RABGAP1L: variants seen among roughly 807,000 people sequenced by gnomAD.
The protein encoded by RABGAP1L is RAB GTPase activating protein 1 like.
RABGAP1L carries 63 observed loss-of-function variants against 137.7 expected under a neutral mutation model. The ratio of observed to expected loss-of-function variants is 0.46; its 90% CI spans 0.37 to 0.56. The LOEUF (loss-of-function observed/expected upper bound fraction) is 0.56, where lower values mean the gene tolerates loss of function less well. Among genes scored for constraint, RABGAP1L ranks in the 20% least tolerant of loss-of-function variants. RABGAP1L has a pLI of 0.00. For synonymous variants in RABGAP1L, 431 were observed against 433.7 expected, an observed-to-expected ratio of 0.99 and a Z score of 0.08; for missense variants, 1,095 against 1,244.0, an observed-to-expected ratio of 0.88 and a Z score of 1.80.
intron 19 of RABGAP1L, among the ~76,000 whole-genome samples, chr1:174,876,711 C>T (rs1299001778): frequency 6.6e-6 from 1 of 152,152 alleles, no homozygotes. Flanking sequence ...GGGAGCAAAA[C>T]AACCAGTTTA....
At chr1:174,615,002 A>T (rs1471934198) in intron 13 of RABGAP1L, among the ~76,000 whole-genome samples, 1 of 152,146 alleles carries the variant, frequency 6.6e-6, no homozygotes, top group Non-Finnish European at 1.5e-5. Flanking sequence ...AAAGTTATTA[A>T]CTTCTTTGCC....
intron 18 of RABGAP1L, among the ~76,000 whole-genome samples, chr1:174,787,840 C>T (rs1687571460): frequency 6.6e-6 from 1 of 152,140 alleles, no homozygotes; most frequent in African/African-American, 2.4e-5. Flanking sequence ...AAGGCTGCAA[C>T]AATAGGGGTG....
chr1:174,425,307 A>G (rs1295226887), intron 13 of RABGAP1L, among the ~76,000 whole-genome samples: 4 of 152,008 alleles, frequency 2.6e-5, no homozygotes, highest in African/African-American at 9.7e-5. Flanking sequence ...AGAGCTCTCA[A>G]GAACTTAAAG....
chr1:174,636,518 A>T (rs1674052501), intron 13 of RABGAP1L, among the ~76,000 whole-genome samples: 1 of 122,374 alleles, frequency 8.2e-6, no homozygotes, highest in South Asian at 2.7e-4. Context: ...ACAGTGTGAG[A>T]CTCTACTTCA....
At chr1:174,353,064 G>A (rs889048348) in intron 11 of RABGAP1L, among the ~76,000 whole-genome samples, 2 of 152,112 alleles carry the variant, frequency 1.3e-5, no homozygotes, top group Non-Finnish European at 2.9e-5. Context: ...TCCATGGCCT[G>A]TGGCTCTATT....
chr1:174,863,761 C>A (rs1326861882), intron 19 of RABGAP1L, among the ~76,000 whole-genome samples: 5 of 151,882 alleles, frequency 3.3e-5, no homozygotes, highest in Non-Finnish European at 7.4e-5. Flanking sequence ...GCAGGCAGAT[C>A]ATGAGGTCAA....
At position 174,222,537 on chromosome 1, in the gene RABGAP1L, T is replaced by G. The variant is rs897037201; in HGVS notation, c.331+1373T>G. Among the ~76,000 whole-genome samples, 4 of 152,310 alleles carry G rather than the reference T, an allele frequency of 2.6e-5. No homozygotes were observed. In the East Asian group the frequency reaches 7.7e-4, roughly 29 times the overall value. ...ATAAAGAACAAGCACTGGATAAAAT[T>G]TAAAATTTTACATGTATATGCACAT... On this transcript the variant is annotated intron_variant, in intron 3 of 25. Transcript: ENST00000681986.
intron 1 of RABGAP1L, among the ~76,000 whole-genome samples, chr1:174,217,692 AAAGG>A (rs1669443283): frequency 1.3e-5 from 2 of 152,312 alleles, no homozygotes; most frequent in East Asian, 1.9e-4. Flanking sequence ...TGGGTTTTAA[AAAGG>A]AAGGGTGTTA....
chr1:174,701,127 C>A (rs934849615), intron 16 of RABGAP1L: 8 of 1,304,248 alleles, frequency 6.1e-6, no homozygotes, highest in Admixed American at 2.3e-5. Context: ...ATGAAGGTGG[C>A]CTTTGTCTTT....
intron 19 of RABGAP1L, among the ~76,000 whole-genome samples, chr1:174,908,953 C>T (rs1659582514): frequency 6.6e-6 from 1 of 150,622 alleles, no homozygotes; most frequent in Non-Finnish European, 1.5e-5. Context: ...GCGGGCAGAT[C>T]ACGAGGTCAG....
intron 7 of RABGAP1L, among the ~76,000 whole-genome samples, chr1:174,264,590 A>T (rs1002373424): frequency 6.6e-6 from 1 of 152,128 alleles, no homozygotes; most frequent in African/African-American, 2.4e-5. Flanking sequence ...CACTGTCCCA[A>T]ACTTGTTCCT....
chr1:174,175,313 C>T lies in RABGAP1L; in HGVS notation c.-34+15656C>T, dbSNP rs79114523. Among the ~76,000 whole-genome samples the T allele has an allele frequency of 1.7e-3, 258 of 152,168 alleles. 3 individuals are homozygous for T. In the East Asian group the frequency reaches 0.039, roughly 23 times the overall value. ...CATGTCGTCTTTTTGTTCTGGATGG[C>T]ATGAAGTTGGGGTCTGAGCATAGAT... On this transcript the variant is annotated intron_variant, in intron 1 of 25. Transcript: ENST00000681986.
chr1:174,921,193 G>A (rs985599793), intron 19 of RABGAP1L, among the ~76,000 whole-genome samples: 10 of 152,140 alleles, frequency 6.6e-5, no homozygotes, highest in Non-Finnish European at 1.5e-4. Context: ...AGTGTGCTGG[G>A]ATTACAGGCA....
chr1:174,262,717 A>G (rs1261329969), intron 7 of RABGAP1L, among the ~76,000 whole-genome samples: 1 of 152,230 alleles, frequency 6.6e-6, no homozygotes, highest in Non-Finnish European at 1.5e-5. Context: ...CCTGGCTGCT[A>G]ATTAGAAGAG....
At chr1:174,916,602 T>C (rs561093549) in intron 19 of RABGAP1L, among the ~76,000 whole-genome samples, 1 of 152,336 alleles carries the variant, frequency 6.6e-6, no homozygotes, top group East Asian at 1.9e-4. Context: ...AAGAAAGATC[T>C]TCATTTTTGT....
chr1:174,454,765 G>T (rs1655852540), intron 13 of RABGAP1L, among the ~76,000 whole-genome samples: 1 of 151,704 alleles, frequency 6.6e-6, no homozygotes, highest in East Asian at 1.9e-4. Context: ...TAGTCAGGAT[G>T]GTCTCGATCT....
chr1:174,173,831 A>G (rs895661690), intron 1 of RABGAP1L, among the ~76,000 whole-genome samples: 15 of 152,172 alleles, frequency 9.9e-5, no homozygotes, highest in Admixed American at 4.6e-4. Flanking sequence ...CTGGGTTTCA[A>G]GTAAGGCTGT....
intron 13 of RABGAP1L, among the ~76,000 whole-genome samples, chr1:174,607,994 C>T (rs898596435): frequency 6.6e-6 from 1 of 152,104 alleles, no homozygotes; most frequent in African/African-American, 2.4e-5. Context: ...GTACAAATGT[C>T]GTGAATCATG....
chr1:174,395,559 C>T (rs868569956), intron 13 of RABGAP1L, among the ~76,000 whole-genome samples: 23 of 152,108 alleles, frequency 1.5e-4, no homozygotes, highest in African/African-American at 4.8e-4. Flanking sequence ...CTATAAAAAA[C>T]TCTTACATCT....
Sources: allele counts gnomAD v4.1 joint callset (sites outside exome capture counted in the v4.1 genomes callset), GRCh38; gene constraint gnomAD v4.1.1; transcripts MANE v1.5; gene names NCBI Gene and HGNC (gene_info 2026-07-23, HGNC 2026-07-21).